TAMALIN: variants seen among roughly 807,000 people sequenced by gnomAD.
TAMALIN encodes the protein trafficking regulator and scaffold protein tamalin, also known as protein TAMALIN.
Under a neutral mutation model 38.5 loss-of-function variants are expected in TAMALIN, and 9 were observed. The observed-to-expected ratio is 0.23, with a 90% confidence interval of 0.14 to 0.41. The LOEUF (loss-of-function observed/expected upper bound fraction) is 0.41, where lower values mean the gene tolerates loss of function less well. Ranked by LOEUF, TAMALIN falls within the 10% of genes least tolerant of loss-of-function variation. The pLI, the probability that TAMALIN is intolerant of heterozygous loss-of-function variation, is 1.00. For missense variants in TAMALIN, 548 were observed against 554.1 expected, an observed-to-expected ratio of 0.99 and a Z score of 0.11; for synonymous variants, 306 against 256.5, an observed-to-expected ratio of 1.19 and a Z score of -1.85.
intron 4 of TAMALIN, among the ~76,000 whole-genome samples, chr12:52,013,122 G>A (rs1290267155): frequency 7.0e-6 from 1 of 142,406 alleles, no homozygotes; most frequent in Admixed American, 7.3e-5. Context: ...CTGTCGCCCA[G>A]GCTGGAGTGC....
chr12:52,008,620 C>T (rs1942452402), intron 1 of TAMALIN: 1 of 985,450 alleles, frequency 1.0e-6, no homozygotes, highest in Non-Finnish European at 1.2e-6. Flanking sequence ...AGACCTGGCA[C>T]CTCTGACCCC....
At chr12:52,008,631 A>C (rs1942452605) in intron 1 of TAMALIN, 1 of 985,302 alleles carries the variant, frequency 1.0e-6, no homozygotes, top group South Asian at 4.7e-5. Flanking sequence ...CTCTGACCCC[A>C]CATTCTGGCT....
chr12:52,012,056 G>A (rs1409141346), intron 4 of TAMALIN, among the ~76,000 whole-genome samples: 2 of 152,154 alleles, frequency 1.3e-5, no homozygotes, highest in Non-Finnish European at 2.9e-5. Flanking sequence ...CTCATGCTGC[G>A]TTCTGACATG....
intron 4 of TAMALIN, among the ~76,000 whole-genome samples, chr12:52,013,227 G>A (rs1177123147): frequency 6.7e-6 from 1 of 150,042 alleles, no homozygotes; most frequent in Non-Finnish European, 1.5e-5. Context: ...ACAGGCGCCT[G>A]CTACCACGCC....
At chr12:52,008,742 C>A in intron 1 of TAMALIN, 1 of 985,426 alleles carries the variant, frequency 1.0e-6, no homozygotes. Context: ...GGCAGAAGGT[C>A]CTCGGAGCAC....
At chr12:52,008,706 G>C (rs916154304) in intron 1 of TAMALIN, 4 of 985,384 alleles carry the variant, frequency 4.1e-6, no homozygotes, top group Non-Finnish European at 4.8e-6. Context: ...GTCTGTAGCT[G>C]AGAAATTAGA....
intron 2 of TAMALIN, 84 bp from the exon 3 acceptor site, chr12:52,010,786 TGTTCTAGACCA>T: frequency 7.8e-7 from 1 of 1,288,168 alleles, no homozygotes; most frequent in South Asian, 1.2e-5. Context: ...CCTGCTGGAA[TGTTCTAGACCA>T]GTTGCCAATA....
At chr12:52,014,504 C>CA (rs1937738397) in intron 7 of TAMALIN, 190 bp from the exon 8 acceptor site, 3 of 604,716 alleles carry the variant, frequency 5.0e-6, no homozygotes, top group Non-Finnish European at 8.7e-6. Context: ...AAGCGGCCCC[C>CA]ATAAGGATCT....
chr12:52,010,769 A>G, intron 2 of TAMALIN, 112 bp from the exon 3 acceptor site: 1 of 1,178,296 alleles, frequency 8.5e-7, no homozygotes, highest in South Asian at 1.3e-5. Context: ...GTCACTGGAG[A>G]CAGAGTCCTG....
At position 52,006,956 on chromosome 12, in the gene TAMALIN, A is replaced by G; in HGVS notation, c.-64A>G. 1 of 976,148 alleles carries G rather than the reference A, an allele frequency of 1.0e-6. No individual in the cohort carries two copies. The highest frequency in any genetic ancestry group is 1.2e-6 in the Non-Finnish European group (1 of 836,322). The allele number at this position is 976,148 out of a possible 1,614,324, so 60.5% of individuals were successfully genotyped here. ...GCGGCCCGCCCGGCTGGCATCCCCC[A>G]GCCGCCGCCAGCCCCGCCGAGGGGA... On this transcript the variant is annotated 5_prime_UTR_variant, in exon 1 of 8. Coordinates refer to ENST00000293662, the MANE Select transcript of TAMALIN (RefSeq NM_181711.4).
Position 52,013,727 on chromosome 12 carries a change from C to T in TAMALIN, c.495C>T (p.Gly165=), listed in dbSNP as rs376034891. 3 of 1,614,050 alleles carry T rather than the reference C, an allele frequency of 1.9e-6. No homozygotes were observed. The highest frequency in any genetic ancestry group is 2.5e-6 in the Non-Finnish European group (3 of 1,180,044). Residue 165 remains glycine (G), a synonymous_variant, in exon 5 of 8, where the codon GGC becomes GGT. Transcript: ENST00000293662. Reference sequence around the variant, plus strand: ...GCGTCAATGGCCTGAATGTGGAAGGCATCCGGCATCGAGAGATTGTGGACA... The same window carrying T: ...GCGTCAATGGCCTGAATGTGGAAGGTATCCGGCATCGAGAGATTGTGGACA... ...IASVNGLNVE[G]IRHREIVDII... is the part of the protein sequence containing the mutation.
Position 52,007,153 on chromosome 12 carries a change from C to A in TAMALIN, c.134C>A (p.Ala45Asp). The change falls in exon 1 of 8, where the codon GCC becomes GAC. Residue 45 changes from alanine (A) to aspartate (D), a missense_variant. Coordinates refer to ENST00000293662, the MANE Select transcript of TAMALIN (RefSeq NM_181711.4). The surrounding 1 kb of genome is among the most constrained non-coding windows in gnomAD (Gnocchi z 6.7). The part of the protein sequence containing the change: ...PVPTPGPPAA[A>D]ATPGPPADEL... The stretch of plus-strand genomic sequence containing the variant: ...CCGACCCCGGGACCCCCTGCCGCAG[C>A]CGCCACCCCTGGGCCCCCAGCGGAC... The A allele has an allele frequency of 6.7e-7, 1 of 1,493,470 alleles. No homozygotes were observed. Among genetic ancestry groups the A allele is most frequent in the Non-Finnish European group, 8.8e-7 (1 of 1,130,162 alleles). 92.5% of individuals were successfully genotyped at this position (1,493,470 alleles called of 1,614,324 possible). A position where few individuals can be genotyped will look rare whatever the true frequency, so the allele number is the denominator to read the frequency against.
Position 52,007,370 on chromosome 12 carries a change from A to G in TAMALIN, c.246+105A>G, listed in dbSNP as rs1381142067. 1.7e-5 allele frequency: 22 copies of G among 1,270,778 alleles called. No homozygotes were observed. The highest frequency in any genetic ancestry group is 2.0e-5 in the Non-Finnish European group (20 of 1,009,158). The allele number at this position is 1,270,778 out of a possible 1,614,324, so 78.7% of individuals were successfully genotyped here. A position where few individuals can be genotyped will look rare whatever the true frequency, so the allele number is the denominator to read the frequency against. ...CTCCTCGGCGTCCGCGGAGTCCCCC[A>G]CCTTCTTCCCCGGCCCGCTGGGTGC... On this transcript the variant is annotated intron_variant, in intron 1 of 7. Transcript: ENST00000293662. The surrounding 1 kb of genome is among the most constrained non-coding windows in gnomAD (Gnocchi z 6.7).
intron 6 of TAMALIN, 60 bp from the exon 7 acceptor site, chr12:52,014,075 C>A: frequency 2.5e-6 from 4 of 1,572,782 alleles, no homozygotes; most frequent in Middle Eastern, 1.7e-4. Flanking sequence ...CTCGTCTGTA[C>A]CCACGTCCTG....
At chr12:52,010,403 C>T (rs1158353645) in intron 2 of TAMALIN, 3 of 642,230 alleles carry the variant, frequency 4.7e-6, no homozygotes, top group African/African-American at 2.0e-5. Context: ...CTCCCCCAGC[C>T]CCCACATCTG....
In TAMALIN at chr12:52,007,100, C is replaced by G; in HGVS notation, c.81C>G (p.Asp27Glu). The change falls in exon 1 of 8, where the codon GAC (aspartate) becomes GAG (glutamate). Residue 27 changes from aspartate (D) to glutamate (E), a missense_variant. Asp to Glu is a conservative substitution (Grantham distance 45). Around this residue, in one of 3 missense-constraint regions of TAMALIN, gnomAD observed 128 missense variants for 117.9 expected, o/e 1.09. Transcript: ENST00000293662. This position sits in a 1 kb window ranked among gnomAD's most constrained non-coding sequence, Gnocchi z 6.7. ...CGGACCCCGCCGCCCGGACTCCCGACTCGGAAGTCGCGCCCGCCGCTCCGG... is the reference window on the plus strand; with the variant it reads ...CGGACCCCGCCGCCCGGACTCCCGAGTCGGAAGTCGCGCCCGCCGCTCCGG... ...ATPDPAARTP[D>E]SEVAPAAPVP... 1 of 1,482,562 alleles carries G rather than the reference C, an allele frequency of 6.7e-7. No homozygotes were observed. 91.8% of individuals were successfully genotyped at this position (1,482,562 alleles called of 1,614,324 possible).
Position 52,015,155 on chromosome 12 carries a change from C to G in TAMALIN, c.1144C>G (p.Pro382Ala). Residue 382 changes from proline (P) to alanine (A), a missense_variant, in exon 8 of 8, where the codon CCC (proline) becomes GCC (alanine). By Grantham distance (27) the Pro-to-Ala change is conservative. This residue lies in a region of TAMALIN where 415 missense variants were observed against 417.0 expected (regional missense o/e 1.00). Coordinates refer to ENST00000293662, the MANE Select transcript of TAMALIN (RefSeq NM_181711.4). ...SFRRRLLKFI[P>A]GLNRSLEEEE... ...CCGCCGGCGGCTGCTCAAGTTCATC[C>G]CCGGACTCAACCGCTCCCTGGAGGA... is the stretch of plus-strand genomic sequence containing the variant. 6.3e-7 allele frequency: 1 copy of G among 1,594,950 alleles called. No individual in the cohort carries two copies. Among genetic ancestry groups the G allele is most frequent in the Non-Finnish European group, 8.5e-7 (1 of 1,178,462 alleles).
At chr12:52,010,321 C>T (rs1357092214) in intron 2 of TAMALIN, among the ~76,000 whole-genome samples, 1 of 152,194 alleles carries the variant, frequency 6.6e-6, no homozygotes, top group Non-Finnish European at 1.5e-5. Flanking sequence ...AGGCGAGGAT[C>T]TGGAGCAGCT....
At chr12:52,008,173 C>T (rs1942445806) in intron 1 of TAMALIN, 1 of 985,320 alleles carries the variant, frequency 1.0e-6, no homozygotes, top group Admixed American at 6.1e-5. Context: ...GGAACTGTCC[C>T]CACCCCTGAG....
Sources: allele counts gnomAD v4.1 joint callset (sites outside exome capture counted in the v4.1 genomes callset), GRCh38; gene constraint gnomAD v4.1.1; regional missense constraint gnomAD v4.1.1; non-coding constraint Gnocchi (gnomAD v3.1); transcripts MANE v1.5; gene names NCBI Gene and HGNC (gene_info 2026-07-23, HGNC 2026-07-21).